Variants in GNG2 observed in about 807,000 individuals in gnomAD.
The protein encoded by GNG2 is G protein subunit gamma 2, also known as guanine nucleotide-binding protein G(I)/G(S)/G(O) subunit gamma-2.
In GNG2, 5 loss-of-function variants were observed where a neutral mutation model predicts 5.5. The observed-to-expected ratio is 0.91, with a 90% confidence interval of 0.48 to 1.92. The LOEUF (loss-of-function observed/expected upper bound fraction) is 1.92, where lower values mean the gene tolerates loss of function less well. Ranked by LOEUF, GNG2 falls within the 30% of genes most tolerant of loss-of-function variation. GNG2 has a pLI of 0.01. For missense variants in GNG2, 55 were observed against 88.4 expected (o/e 0.62, Z 1.52); for synonymous variants, 28 against 32.0 (o/e 0.88, Z 0.42).
chr14:51,890,548 T>C (rs905779089), intron 2 of GNG2, among the ~76,000 whole-genome samples: 2 of 152,242 alleles, frequency 1.3e-5, no homozygotes, highest in African/African-American at 2.4e-5. Flanking sequence ...TGTGTTTAGC[T>C]TGGGTTTTCT....
chr14:51,934,852 C>T (rs979342347), intron 2 of GNG2, among the ~76,000 whole-genome samples: 3 of 152,202 alleles, frequency 2.0e-5, no homozygotes, highest in Non-Finnish European at 2.9e-5. Context: ...ACACAATTAT[C>T]TGTTTCTCCC....
intron 1 of GNG2, among the ~76,000 whole-genome samples, chr14:51,874,316 T>C (rs544861191): frequency 7.9e-5 from 12 of 151,558 alleles, no homozygotes; most frequent in Admixed American, 3.3e-4. Context: ...TCCCAGCTAC[T>C]TGGGAAGCTG....
intron 1 of GNG2, among the ~76,000 whole-genome samples, chr14:51,871,331 C>CAAAA (rs5808638): frequency 1.4e-5 from 2 of 145,176 alleles, no homozygotes. Flanking sequence ...AATTCCTAGG[C>CAAAA]AAAAAAAAAA....
intron 2 of GNG2, among the ~76,000 whole-genome samples, chr14:51,911,635 T>TCAGCCATATATAAA (rs1555353898): frequency 1.1e-4 from 16 of 149,750 alleles, no homozygotes; most frequent in East Asian, 6.2e-4. Context: ...CCTCTAACTC[T>TCAGCCATATATAAA]TGGGCTCATG....
intron 2 of GNG2, among the ~76,000 whole-genome samples, chr14:51,893,492 T>C (rs1018544567): frequency 6.6e-6 from 1 of 152,204 alleles, no homozygotes; most frequent in Non-Finnish European, 1.5e-5. Context: ...ATAGTAATAC[T>C]TTGTCCGCTT....
chr14:51,833,250 C>G (rs1157601538), intron 2 of GNG2, among the ~76,000 whole-genome samples: 1 of 152,182 alleles, frequency 6.6e-6, no homozygotes, highest in African/African-American at 2.4e-5. Flanking sequence ...TCCGGTACCT[C>G]TTCATAGCAA....
At chr14:51,921,075 CT>C (rs1347163213) in intron 2 of GNG2, among the ~76,000 whole-genome samples, 1 of 152,132 alleles carries the variant, frequency 6.6e-6, no homozygotes, top group African/African-American at 2.4e-5. Context: ...CTCTGAGGTC[CT>C]TTCATATTCA....
intron 2 of GNG2, among the ~76,000 whole-genome samples, chr14:51,897,045 G>A (rs1401978942): frequency 6.6e-6 from 1 of 152,206 alleles, no homozygotes; most frequent in Non-Finnish European, 1.5e-5. Context: ...CTACTATGCA[G>A]TAGAATCATA....
chr14:51,848,864 T>C (rs1359325155), intron 2 of GNG2, among the ~76,000 whole-genome samples: 2 of 152,264 alleles, frequency 1.3e-5, no homozygotes, highest in African/African-American at 4.8e-5. Context: ...TGCTGAGGAA[T>C]AGACACACTG....
intron 2 of GNG2, among the ~76,000 whole-genome samples, chr14:51,897,760 A>C (rs1404949294): frequency 6.6e-6 from 1 of 152,224 alleles, no homozygotes; most frequent in East Asian, 1.9e-4. Context: ...GGCCAAGTAG[A>C]CAGACTGTCA....
At chr14:51,895,085 A>T (rs2140168013) in intron 2 of GNG2, among the ~76,000 whole-genome samples, 1 of 152,172 alleles carries the variant, frequency 6.6e-6, no homozygotes, top group South Asian at 2.1e-4. Context: ...TGACATAACT[A>T]AAGCCAGGAA....
upstream of GNG2, among the ~76,000 whole-genome samples, chr14:51,856,233 G>C (rs1321125325): frequency 6.6e-6 from 1 of 151,944 alleles, no homozygotes; most frequent in African/African-American, 2.4e-5. Context: ...GGAGGAGAGA[G>C]AAGGAGGTGT....
intron 2 of GNG2, among the ~76,000 whole-genome samples, chr14:51,845,144 C>A (rs1288380881): frequency 2.0e-5 from 3 of 152,130 alleles, no homozygotes; most frequent in Non-Finnish European, 2.9e-5. Context: ...AAATCTGTTT[C>A]TCTATGGGCT....
At chr14:51,831,168 C>T (rs1881178276) in intron 2 of GNG2, among the ~76,000 whole-genome samples, 1 of 152,240 alleles carries the variant, frequency 6.6e-6, no homozygotes, top group Non-Finnish European at 1.5e-5. Flanking sequence ...TTTAATGTCA[C>T]ATTCCCAGAG....
At chr14:51,931,244 G>A (rs1364855666) in intron 2 of GNG2, among the ~76,000 whole-genome samples, 1 of 152,212 alleles carries the variant, frequency 6.6e-6, no homozygotes, top group East Asian at 1.9e-4. Flanking sequence ...TTGCTGGTAG[G>A]TTGGAGGTGA....
chr14:51,923,587 G>A (rs368585770), intron 2 of GNG2, among the ~76,000 whole-genome samples: 1 of 136,996 alleles, frequency 7.3e-6, no homozygotes, highest in African/African-American at 2.7e-5. Context: ...CACACACACA[G>A]ACATATGTTC....
intron 1 of GNG2, among the ~76,000 whole-genome samples, chr14:51,866,253 T>A (rs1882877516): frequency 6.6e-6 from 1 of 152,222 alleles, no homozygotes; most frequent in African/African-American, 2.4e-5. Flanking sequence ...AAAACTGGGC[T>A]GACTGGTTCT....
chr14:51,886,819 A>C (rs1027562551), intron 2 of GNG2, among the ~76,000 whole-genome samples: 9 of 152,200 alleles, frequency 5.9e-5, no homozygotes, highest in African/African-American at 2.2e-4. Flanking sequence ...CTGGGAGGCA[A>C]AGAGCAAGGA....
At chr14:51,937,201 A>T (rs1326897637) in intron 2 of GNG2, among the ~76,000 whole-genome samples, 5 of 152,230 alleles carry the variant, frequency 3.3e-5, no homozygotes, top group African/African-American at 1.2e-4. Context: ...GTATTGATTG[A>T]AAGACTAAAA....
Sources: allele counts gnomAD v4.1 joint callset (sites outside exome capture counted in the v4.1 genomes callset), GRCh38; gene constraint gnomAD v4.1.1; transcripts MANE v1.5; gene names NCBI Gene and HGNC (gene_info 2026-07-23, HGNC 2026-07-21).